The following MDGA2 variants were observed in gnomAD, a reference collection of about 807,000 sequenced individuals.
MDGA2 encodes the protein MAM domain-containing glycosylphosphatidylinositol anchor protein 2.
In MDGA2, 40 loss-of-function variants were observed where a neutral mutation model predicts 117.8. The ratio of observed to expected loss-of-function variants is 0.34; its 90% CI spans 0.26 to 0.44. MDGA2 has a LOEUF of 0.44. Among genes scored for constraint, MDGA2 ranks in the 20% least tolerant of loss-of-function variants. The pLI, the probability that MDGA2 is intolerant of heterozygous loss-of-function variation, is 1.00. For missense variants in MDGA2, 1,123 were observed against 1,250.6 expected, an observed-to-expected ratio of 0.90 and a Z score of 1.54; for synonymous variants, 452 against 439.0, an observed-to-expected ratio of 1.03 and a Z score of -0.37.
At chr14:46,857,344 A>G (rs888731609) in intron 14 of MDGA2, among the ~76,000 whole-genome samples, 2 of 152,186 alleles carry the variant, frequency 1.3e-5, no homozygotes, top group African/African-American at 4.8e-5. Context: ...AAGTAAAAAT[A>G]TTCTCATTTC....
intron 1 of MDGA2, among the ~76,000 whole-genome samples, chr14:47,631,250 G>A (rs1001247143): frequency 1.3e-5 from 2 of 152,076 alleles, no homozygotes; most frequent in African/African-American, 4.8e-5. Context: ...ACCAGATGAT[G>A]ACCTCATTTC....
chr14:47,500,159 T>C (rs963822634), intron 1 of MDGA2, among the ~76,000 whole-genome samples: 2 of 152,162 alleles, frequency 1.3e-5, no homozygotes, highest in South Asian at 2.1e-4. Context: ...GTCAAAACTA[T>C]GTTGAACACA....
chr14:47,369,010 C>G (rs1891288672), intron 1 of MDGA2, among the ~76,000 whole-genome samples: 1 of 151,840 alleles, frequency 6.6e-6, no homozygotes, highest in South Asian at 2.1e-4. Flanking sequence ...AATTTTGATA[C>G]TACAAAAATT....
rs138224541 is a variant in MDGA2, at chr14:47,476,198, T to C, written c.281-174648A>G. 1.8e-3 allele frequency among the ~76,000 whole-genome samples: 272 copies of C among 152,322 alleles called. 4 individuals are homozygous for C. Among genetic ancestry groups the C allele is most frequent in the African/African-American group, 5.9e-3 (245 of 41,580 alleles). On this transcript the variant is annotated intron_variant, in intron 1 of 16. Transcript: ENST00000399232. ...ACAATATGCACATATATGTGAAATC[T>C]AGTGTTGGACATGAAGAAAAGGGCA...
chr14:47,308,502 GTTTTTTTTTT>G (rs68070912), intron 1 of MDGA2, among the ~76,000 whole-genome samples: 3 of 112,922 alleles, frequency 2.7e-5, no homozygotes, highest in Non-Finnish European at 3.7e-5. Context: ...CTTTCTGTTA[GTTTTTTTTTT>G]TTTTTTTTTT....
At chr14:47,139,647 C>G (rs1882616984) in intron 4 of MDGA2, among the ~76,000 whole-genome samples, 1 of 151,024 alleles carries the variant, frequency 6.6e-6, no homozygotes, top group Non-Finnish European at 1.5e-5. Context: ...CCAATACAAA[C>G]AATACTAACA....
chr14:47,509,553 A>C (rs1424436873), intron 1 of MDGA2, among the ~76,000 whole-genome samples: 8 of 152,166 alleles, frequency 5.3e-5, no homozygotes, highest in Admixed American at 3.9e-4. Flanking sequence ...ACTGCAGCCC[A>C]GAATAGCTGT....
intron 3 of MDGA2, among the ~76,000 whole-genome samples, chr14:47,169,510 CA>C (rs895027934): frequency 6.6e-6 from 1 of 151,502 alleles, no homozygotes; most frequent in African/African-American, 2.4e-5. Flanking sequence ...TAGATACTAA[CA>C]AAAAAATTCA....
At chr14:46,982,977 TCCCATCAATA>T (rs1886738640) in intron 8 of MDGA2, among the ~76,000 whole-genome samples, 1 of 152,082 alleles carries the variant, frequency 6.6e-6, no homozygotes, top group African/African-American at 2.4e-5. Context: ...TTGAGATACG[TCCCATCAATA>T]CCTAATTTAT....
chr14:47,041,635 C>T (rs540213635), intron 7 of MDGA2, among the ~76,000 whole-genome samples: 3 of 151,562 alleles, frequency 2.0e-5, no homozygotes, highest in Non-Finnish European at 4.4e-5. Flanking sequence ...TCATTCCAAA[C>T]GTAAATAAAT....
chr14:47,259,069 T>C (rs1405041433), intron 2 of MDGA2, among the ~76,000 whole-genome samples: 1 of 152,196 alleles, frequency 6.6e-6, no homozygotes, highest in Non-Finnish European at 1.5e-5. Flanking sequence ...CTATTCACTG[T>C]TTTCTACACC....
chr14:46,874,233 T>C (rs1001318579), intron 12 of MDGA2, 33 bp from the exon 13 acceptor site: 5 of 1,104,858 alleles, frequency 4.5e-6, no homozygotes, highest in Non-Finnish European at 6.0e-6. Context: ...TTAATATTAA[T>C]TAAATTAATA....
intron 1 of MDGA2, among the ~76,000 whole-genome samples, chr14:47,306,640 C>T (rs777975186): frequency 6.6e-6 from 1 of 152,170 alleles, no homozygotes; most frequent in Non-Finnish European, 1.5e-5. Context: ...TACTCTTCCA[C>T]ACTAGGTCAA....
chr14:47,493,567 C>G (rs1347676933), intron 1 of MDGA2, among the ~76,000 whole-genome samples: 6 of 151,920 alleles, frequency 3.9e-5, no homozygotes, highest in African/African-American at 1.4e-4. Context: ...ATCCACCCAC[C>G]TCGGCCTCCC....
At chr14:47,521,263 T>C (rs753459650) in intron 1 of MDGA2, among the ~76,000 whole-genome samples, 2 of 152,132 alleles carry the variant, frequency 1.3e-5, no homozygotes, top group Admixed American at 6.5e-5. Flanking sequence ...AGTTTTTAGA[T>C]GATATCACAT....
chr14:46,968,981 C>G (rs1886149878), intron 8 of MDGA2, among the ~76,000 whole-genome samples: 1 of 152,036 alleles, frequency 6.6e-6, no homozygotes, highest in Non-Finnish European at 1.5e-5. Flanking sequence ...ATCCCACTTG[C>G]AATAGCTAGA....
chr14:47,304,388 G>C (rs1889375453), intron 1 of MDGA2, among the ~76,000 whole-genome samples: 1 of 152,100 alleles, frequency 6.6e-6, no homozygotes, highest in African/African-American at 2.4e-5. Flanking sequence ...AACTATGTCT[G>C]TCATAGTTAA....
intron 11 of MDGA2, among the ~76,000 whole-genome samples, chr14:46,877,863 T>G (rs1189133714): frequency 3.3e-5 from 5 of 151,890 alleles, no homozygotes; most frequent in African/African-American, 1.2e-4. Flanking sequence ...TAGGCCAATC[T>G]ATAATCTAGG....
chr14:47,636,895 C>T (rs905283966), intron 1 of MDGA2, among the ~76,000 whole-genome samples: 2 of 150,150 alleles, frequency 1.3e-5, no homozygotes, highest in African/African-American at 4.9e-5. Context: ...TCACTTGAAT[C>T]CGGGAAATGA....
Sources: gnomAD v4.1 joint callset for allele counts (sites outside exome capture counted in the v4.1 genomes callset) on GRCh38, gnomAD v4.1.1 for gene constraint, MANE v1.5 for transcripts, NCBI Gene and HGNC (gene_info 2026-07-23, HGNC 2026-07-21) for gene names.